Variants in MYH8 observed in about 807,000 individuals in gnomAD.
The protein encoded by MYH8 is myosin-8.
A neutral mutation model predicts 233.2 loss-of-function variants in MYH8; 168 were observed. The ratio of observed to expected loss-of-function variants is 0.72; its 90% CI spans 0.64 to 0.82. The LOEUF (loss-of-function observed/expected upper bound fraction) is 0.82, where lower values mean the gene tolerates loss of function less well. MYH8 is among the 40% of genes least tolerant of loss of function. MYH8 has a pLI of 0.00. For synonymous variants in MYH8, 785 were observed against 850.6 expected, an observed-to-expected ratio of 0.92 and a Z score of 1.34; for missense variants, 1,995 against 2,327.8, an observed-to-expected ratio of 0.86 and a Z score of 2.94.
chr17:10,400,827 GT>G lies in MYH8; in HGVS notation c.3345+41del. 6.2e-7 allele frequency: 1 copy of G among 1,613,748 alleles called. No homozygotes were observed. The highest frequency in any genetic ancestry group is 2.2e-5 in the East Asian group (1 of 44,882). On this transcript the variant is annotated intron_variant, in intron 26 of 39. Transcript: ENST00000403437. This position sits in a 1 kb window ranked among gnomAD's most constrained non-coding sequence, Gnocchi z 4.0. Reference sequence around the variant, plus strand: ...AACATAAACTCATCTCAACTTCAGTGTTTTTTTGGTGTGCAGAAAAAATAGA... The same window carrying G: ...AACATAAACTCATCTCAACTTCAGTGTTTTTTGGTGTGCAGAAAAAATAGA...
Position 10,414,226 on chromosome 17 carries a change from C to G in MYH8, c.974G>C (p.Ser325Thr), listed in dbSNP as rs777536806. Residue 325 changes from serine to threonine, a missense_variant, in exon 11 of 40, where the codon AGT becomes ACT. Transcript: ENST00000403437. ...FVSQGEITVP[S>T]IDDQEELMAT... ...CATCAACTCTTCTTGGTCATCAATACTGGGAACTGTGATCTCCCCCTGACT... is the reference window on the plus strand; with the variant it reads ...CATCAACTCTTCTTGGTCATCAATAGTGGGAACTGTGATCTCCCCCTGACT... 1 of 1,614,036 alleles carries G rather than the reference C, an allele frequency of 6.2e-7. No homozygotes were observed. The highest frequency in any genetic ancestry group is 8.5e-7 in the Non-Finnish European group (1 of 1,180,024).
Position 10,400,582 on chromosome 17 carries a change from C to A in MYH8, c.3543G>T (p.Leu1181=), listed in dbSNP as rs747997587. 5.0e-6 allele frequency: 8 copies of A among 1,614,236 alleles called. No homozygotes were observed. The South Asian group carries it at 8.8e-5, about 18-fold the overall frequency. The part of the protein sequence containing the change: ...EAEFQKLRRD[L]EEATLQHEAM... Reference sequence around the variant, plus strand: ...CTTCATGCTGCAGGGTGGCCTCCTCCAGGTCCCTGCGCAGTTTCTGAAACT... The same window carrying A: ...CTTCATGCTGCAGGGTGGCCTCCTCAAGGTCCCTGCGCAGTTTCTGAAACT... Residue 1181 remains leucine (L), a synonymous_variant, in exon 27 of 40, where the codon CTG becomes CTT. Coordinates refer to ENST00000403437, the MANE Select transcript of MYH8 (RefSeq NM_002472.3). The surrounding 1 kb of genome is among the most constrained non-coding windows in gnomAD (Gnocchi z 4.0).
At position 10,400,027 on chromosome 17, in the gene MYH8, C is replaced by G. The variant is rs1430213634; in HGVS notation, c.3736-358G>C. 6.6e-6 allele frequency among the ~76,000 whole-genome samples: 1 copy of G among 152,124 alleles called. No homozygotes were observed. Among genetic ancestry groups the G allele is most frequent in the Non-Finnish European group, 1.5e-5 (1 of 68,018 alleles). On this transcript the variant is annotated intron_variant, in intron 27 of 39. Coordinates refer to ENST00000403437, the MANE Select transcript of MYH8 (RefSeq NM_002472.3). The surrounding 1 kb of genome is among the most constrained non-coding windows in gnomAD (Gnocchi z 4.0). ...GAGCATCCTGGCTAACACGGTGAAA[C>G]CCCGTCTCTACTAAAAATACAAAAA...
rs1140933 is a variant in MYH8, at chr17:10,401,566, C to A, written c.2908G>T (p.Glu970Ter). 14 of 1,614,140 alleles carry A rather than the reference C, an allele frequency of 8.7e-6. 1 individual carries two copies. In the South Asian group the frequency reaches 1.2e-4, roughly 14 times the overall value. The change falls in exon 23 of 40, where the codon GAG (glutamate) becomes TAG (stop). Residue 970 changes from glutamate (E) to a stop codon, truncating the protein, a stop_gained. Transcript: ENST00000403437. LOFTEE classifies it high-confidence loss of function. ...ACCTTGTTCTCCGTGGCATGTTTCTCCTTCTCAACCTTGGCCAGTGTCAGC... is the reference window on the plus strand; with the variant it reads ...ACCTTGTTCTCCGTGGCATGTTTCTACTTCTCAACCTTGGCCAGTGTCAGC... The part of the protein sequence containing the change: ...LELTLAKVEK[E>*]KHATENKVKN...
At position 10,406,820 on chromosome 17, in the gene MYH8, A is replaced by T; in HGVS notation, c.2054-13T>A. 1 of 1,613,690 alleles carries T rather than the reference A, an allele frequency of 6.2e-7. No individual in the cohort carries two copies. Among genetic ancestry groups the T allele is most frequent in the South Asian group, 1.1e-5 (1 of 91,060 alleles). ...TGTTCCATTGCCCCTAAAAATATAG[A>T]ACAGTACTTATTAGTGGGCATTTAA... is the stretch of plus-strand genomic sequence containing the variant. On this transcript the variant is annotated splice_polypyrimidine_tract_variant and intron_variant, in intron 18 of 39. Transcript: ENST00000403437.
rs772297289 is a variant in MYH8 at position 10,398,573 on chromosome 17, T to C, written c.4049A>G (p.Tyr1350Cys). 11 of 1,614,210 alleles carry C rather than the reference T, an allele frequency of 6.8e-6. No individual in the cohort carries two copies. The highest frequency in any genetic ancestry group is 9.3e-6 in the Non-Finnish European group (11 of 1,180,026). The change falls in exon 30 of 40, where the codon TAT (tyrosine) becomes TGT (cysteine). Residue 1350 changes from tyrosine (Y) to cysteine (C), a missense_variant. Tyr to Cys is a radical substitution (Grantham distance 194). Transcript: ENST00000403437. ...RHDCDLLREQ[Y>C]EEEQEGKAEL... is the part of the protein sequence containing the mutation. ...AGCTTTGCCTTCCTGCTCTTCCTCATACTGTTCCCGCAGCAGGTCGCAGTC... is the reference window on the plus strand; with the variant it reads ...AGCTTTGCCTTCCTGCTCTTCCTCACACTGTTCCCGCAGCAGGTCGCAGTC...
Position 10,406,130 on chromosome 17 carries a change from ATC to A in MYH8, c.2341_2342del (p.Asp781Ter). ...TTGTTATAATTTGGGCTAATTTTTC[ATC>A]TCTCATTTCTTCCAGAAGACCCAGA... ...GLLGLLEEMR[D>X]EKLAQIITRT... is the part of the protein sequence containing the mutation. On this transcript the variant is annotated frameshift_variant, in exon 21 of 40. Coordinates refer to ENST00000403437, the MANE Select transcript of MYH8 (RefSeq NM_002472.3). LOFTEE classifies it high-confidence loss of function. 2 of 1,614,084 alleles carry A rather than the reference ATC, an allele frequency of 1.2e-6. No homozygotes were observed. The highest frequency in any genetic ancestry group is 1.7e-6 in the Non-Finnish European group (2 of 1,180,004).
rs939482870 is a variant in MYH8 at position 10,419,795 on chromosome 17, A to G, written c.210+223T>C. 2.6e-5 allele frequency among the ~76,000 whole-genome samples: 4 copies of G among 152,174 alleles called. No homozygotes were observed. Among genetic ancestry groups the G allele is most frequent in the Non-Finnish European group, 4.4e-5 (3 of 68,026 alleles). ...CTAGGAAGTGGGGAATTGAAGGGAA[A>G]TGGTGAAGGCCATACATAGTGGGGT... On this transcript the variant is annotated intron_variant, in intron 3 of 39. Coordinates refer to ENST00000403437, the MANE Select transcript of MYH8 (RefSeq NM_002472.3). The surrounding 1 kb of genome is among the most constrained non-coding windows in gnomAD (Gnocchi z 4.0).
At chr17:10,394,513 G>A (rs545072064) in intron 34 of MYH8, 61 bp from the exon 35 acceptor site, 248 of 1,556,360 alleles carry the variant, frequency 1.6e-4, no homozygotes, top group Non-Finnish European at 2.0e-4. Context: ...GATCCCAGGA[G>A]ATGAACTGGG....
chr17:10,398,723 C>T (rs986861313), intron 29 of MYH8, 45 bp downstream of exon 29: 2 of 1,612,732 alleles, frequency 1.2e-6, no homozygotes, highest in East Asian at 2.2e-5. Context: ...CCTAACTGGG[C>T]AGGTTTAGAT....
At chr17:10,405,985 AC>A in intron 21 of MYH8, 55 bp downstream of exon 21, 3 of 1,593,682 alleles carry the variant, frequency 1.9e-6, no homozygotes, top group Non-Finnish European at 1.7e-6. Flanking sequence ...AATGAACAAG[AC>A]TGATTGATAG....
At chr17:10,394,223 G>A (rs1291085478) in intron 35 of MYH8, 26 bp downstream of exon 35, 3 of 1,613,554 alleles carry the variant, frequency 1.9e-6, no homozygotes, top group South Asian at 1.1e-5. Flanking sequence ...CAGTACACCA[G>A]CATTTGTTTG....
intron 14 of MYH8, 110 bp downstream of exon 14, chr17:10,412,260 A>G: frequency 6.2e-7 from 1 of 1,603,462 alleles, no homozygotes; most frequent in Non-Finnish European, 8.5e-7. Flanking sequence ...TTCTAGGTGC[A>G]GTGTTGGAGC....
rs370489713 is a variant in MYH8 at position 10,406,869 on chromosome 17, T to A, written c.2053+23A>T. The A allele has an allele frequency of 4.2e-4, 685 of 1,613,022 alleles. 1 individual carries two copies. Among genetic ancestry groups the A allele is most frequent in the Non-Finnish European group, 6.8e-5 (80 of 1,179,114 alleles). ...AACTTTCAAACCTGTGCCCGTTTGA[T>A]TATTTCACTCTCTGTGTCTTACCAG... On this transcript the variant is annotated intron_variant, in intron 18 of 39. Transcript: ENST00000403437.
rs1381334302 is a variant in MYH8 at position 10,405,929 on chromosome 17, G to T, written c.2432+112C>A. The T allele has an allele frequency of 3.0e-6, 4 of 1,340,314 alleles. No individual in the cohort carries two copies. The East Asian group carries it at 6.9e-5, about 23-fold the overall frequency. 83.0% of individuals were successfully genotyped at this position (1,340,314 alleles called of 1,614,324 possible). ...CTGCTGTGTTGTAGGAGTGAGTTCT[G>T]AATTGGGTGAGAGGAACTATTAGCC... On this transcript the variant is annotated intron_variant, in intron 21 of 39. Coordinates refer to ENST00000403437, the MANE Select transcript of MYH8 (RefSeq NM_002472.3).
At chr17:10,395,018 C>T (rs1462589988) in intron 34 of MYH8, 115 bp downstream of exon 34, 14 of 1,133,036 alleles carry the variant, frequency 1.2e-5, no homozygotes, top group South Asian at 7.6e-5. Flanking sequence ...TACCTTTGTG[C>T]GGTCAGCTGT....
At chr17:10,416,246 T>C (rs1303065539) in intron 5 of MYH8, among the ~76,000 whole-genome samples, 1 of 152,212 alleles carries the variant, frequency 6.6e-6, no homozygotes, top group African/African-American at 2.4e-5. Context: ...CTCAGCATGG[T>C]GTCCTCAAGG....
rs755868146 is a variant in MYH8 at position 10,418,764 on chromosome 17, TA to T, written c.391del (p.Tyr131ThrfsTer39). On this transcript the variant is annotated frameshift_variant, in exon 5 of 40. Transcript: ENST00000403437. LOFTEE classifies it high-confidence loss of function. ...GGGCTTGTACACCGGCAGCCACTTG[TA>T]GGGGTTGACGGTGACACAGAAGAGG... is the stretch of plus-strand genomic sequence containing the variant. Reference protein sequence around the residue: ...SGLFCVTVNPYKWLPVYKPEV... With the variant: ...SGLFCVTVNPXKWLPVYKPEV... 1 of 1,613,834 alleles carries T rather than the reference TA, an allele frequency of 6.2e-7. No homozygotes were observed. The highest frequency in any genetic ancestry group is 1.3e-5 in the African/African-American group (1 of 75,012).
At chr17:10,399,424 T>C in intron 28 of MYH8, 119 bp downstream of exon 28, 3 of 1,560,646 alleles carry the variant, frequency 1.9e-6, no homozygotes, top group Non-Finnish European at 2.6e-6. Flanking sequence ...TTGACCTTCT[T>C]AGCAAACTCT....
Sources: allele counts gnomAD v4.1 joint callset (sites outside exome capture counted in the v4.1 genomes callset), GRCh38; gene constraint gnomAD v4.1.1; non-coding constraint Gnocchi (gnomAD v3.1); transcripts MANE v1.5; gene names NCBI Gene and HGNC (gene_info 2026-07-23, HGNC 2026-07-21).